Variants in MEG3 observed in about 807,000 individuals in gnomAD.
The protein encoded by MEG3 is maternally expressed 3, also known as Very putative protein from MEG3 locus.
intron 2 of MEG3, among the ~76,000 whole-genome samples, chr14:100,839,745 C>T (rs543872799): frequency 6.6e-6 from 1 of 152,180 alleles, no homozygotes; most frequent in African/African-American, 2.4e-5. Flanking sequence ...AGGAGCCCTG[C>T]AGACACTGCA....
Position 100,842,223 on chromosome 14 carries a change from C to T in MEG3, n.3046-3235C>T, listed in dbSNP as rs1231020409. Among the ~76,000 whole-genome samples, 4 of 152,186 alleles carry T rather than the reference C, an allele frequency of 2.6e-5. No individual in the cohort carries two copies. In the East Asian group the frequency reaches 7.7e-4, roughly 29 times the overall value. On this transcript the variant is annotated intron_variant and non_coding_transcript_variant, in intron 2 of 3. Transcript: ENST00000398461. ...AAATTGCCAGCTTCAATTAGACGGG[C>T]AGACTGCTTTCCCAAGGCTGCCTCC... is the stretch of plus-strand genomic sequence containing the variant.
At chr14:100,852,116 A>T in intron 3 of MEG3, 1 of 330,052 alleles carries the variant, frequency 3.0e-6, no homozygotes, top group Non-Finnish European at 6.0e-6. Context: ...GGCCATCTGG[A>T]GTGGGAGGCG....
At chr14:100,828,209 C>A (rs950269849) in intron 1 of MEG3, among the ~76,000 whole-genome samples, 1 of 152,068 alleles carries the variant, frequency 6.6e-6, no homozygotes, top group East Asian at 1.9e-4. Context: ...TGCTGCACTC[C>A]TGGGTTACGG....
intron 3 of MEG3, chr14:100,850,216 G>A (rs1251674652): frequency 1.3e-5 from 2 of 152,234 alleles, no homozygotes; most frequent in Non-Finnish European, 1.5e-5. Flanking sequence ...CGTAGGAGCA[G>A]TAGTGCTTTA....
At position 100,842,060 on chromosome 14, in the gene MEG3, T is replaced by G. The variant is rs200469584; in HGVS notation, n.3046-3398T>G. Among the ~76,000 whole-genome samples, 42 of 152,340 alleles carry G rather than the reference T, an allele frequency of 2.8e-4. 1 individual carries two copies. The East Asian group carries it at 5.2e-3, about 19-fold the overall frequency. ...TTGCCAACATTCCCAGCTATCTCTG[T>G]GTGCTGCAGTGTGTAGTAATGAACA... On this transcript the variant is annotated intron_variant and non_coding_transcript_variant, in intron 2 of 3. Transcript: ENST00000398461.
At chr14:100,836,269 T>A in exon 2 of MEG3, 1 of 456,640 alleles carries the variant, frequency 2.2e-6, no homozygotes, top group Non-Finnish European at 4.4e-6. Flanking sequence ...GTCTTCTTCC[T>A]GGCGGGCCTC....
At chr14:100,839,918 G>C (rs1254533347) in intron 2 of MEG3, among the ~76,000 whole-genome samples, 2 of 151,058 alleles carry the variant, frequency 1.3e-5, no homozygotes, top group Non-Finnish European at 3.0e-5. Context: ...TGAGGCCAGG[G>C]CCTGGGCCCT....
At chr14:100,833,627 CCT>C (rs1428730405), downstream of MEG3, 1 of 152,322 alleles carries the variant, frequency 6.6e-6, no homozygotes, top group Non-Finnish European at 1.5e-5. Flanking sequence ...GAACCCTCCT[CCT>C]CTTTTTGTTC....
At chr14:100,847,827 T>C (rs1197510403) in intron 3 of MEG3, 1 of 152,050 alleles carries the variant, frequency 6.6e-6, no homozygotes, top group East Asian at 1.9e-4. Context: ...AATGGATAAA[T>C]GGGTAGATCC....
downstream of MEG3, chr14:100,830,752 G>A (rs571077424): frequency 9.2e-5 from 14 of 152,302 alleles, no homozygotes; most frequent in Admixed American, 8.5e-4. Context: ...CCCGTTTTAA[G>A]CCAACCAGTT....
At chr14:100,829,012 T>G (rs1274363865) in intron 2 of MEG3, 1 of 152,222 alleles carries the variant, frequency 6.6e-6, no homozygotes, top group African/African-American at 2.4e-5. Context: ...AAGCAGGTTC[T>G]CTAACCTTTG....
intron 2 of MEG3, chr14:100,836,381 AC>A (rs1348778971): frequency 4.6e-6 from 2 of 436,524 alleles, no homozygotes; most frequent in African/African-American, 4.1e-5. Flanking sequence ...AAGAGTGTCA[AC>A]ATTTAATTTG....
intron 2 of MEG3, among the ~76,000 whole-genome samples, chr14:100,838,697 C>A (rs541958191): frequency 3.6e-4 from 55 of 152,096 alleles, no homozygotes; most frequent in Non-Finnish European, 7.1e-4. Context: ...TAGTGGGACT[C>A]TTCTGGGTGG....
At chr14:100,827,214 C>T (rs1566715763) in intron 1 of MEG3, among the ~76,000 whole-genome samples, 1 of 152,120 alleles carries the variant, frequency 6.6e-6, no homozygotes, top group Non-Finnish European at 1.5e-5. Flanking sequence ...CCCAGGCCGC[C>T]CCCTCCCACC....
At chr14:100,856,151 C>T (rs1319411661), upstream of MEG3, 1 of 152,160 alleles carries the variant, frequency 6.6e-6, no homozygotes, top group Non-Finnish European at 1.5e-5. Context: ...TGATAAGAAT[C>T]ACCTCCCGTG....
Position 100,848,533 on chromosome 14 carries a change from G to A in MEG3, n.3121+3000G>A, listed in dbSNP as rs377227647. The A allele has an allele frequency of 7.9e-5, 12 of 152,214 alleles. No homozygotes were observed. The East Asian group carries it at 1.7e-3, about 22-fold the overall frequency. 9.4% of individuals were successfully genotyped at this position (152,214 alleles called of 1,614,324 possible). On this transcript the variant is annotated intron_variant and non_coding_transcript_variant, in intron 3 of 3. Coordinates refer to the MEG3 transcript ENST00000398461. ...GGGATGAGGGTCATTGATCCTGGGT[G>A]CAGATCTCCAAAAGAATGACAGAAA...
At chr14:100,833,080 C>G (rs2037444261), downstream of MEG3, 1 of 152,148 alleles carries the variant, frequency 6.6e-6, no homozygotes, top group African/African-American at 2.4e-5. Flanking sequence ...GAATGCCTAG[C>G]CAGGTGAAGA....
intron 2 of MEG3, among the ~76,000 whole-genome samples, chr14:100,840,658 G>A (rs1475371548): frequency 2.0e-5 from 3 of 152,192 alleles, no homozygotes; most frequent in East Asian, 1.9e-4. Context: ...CTGGGTTCGC[G>A]CGACCCTGGG....
exon 2 of MEG3, chr14:100,836,281 C>T (rs970675585): frequency 8.8e-6 from 4 of 456,584 alleles, no homozygotes; most frequent in Admixed American, 2.3e-5. Flanking sequence ...GCGGGCCTCT[C>T]GTCTCCTTCC....
Sources: allele counts gnomAD v4.1 joint callset (sites outside exome capture counted in the v4.1 genomes callset), GRCh38; gene constraint gnomAD v4.1.1; transcripts MANE v1.5; gene names NCBI Gene and HGNC (gene_info 2026-07-23, HGNC 2026-07-21).